Variants in PPP6R1 observed in about 807,000 individuals in gnomAD.
PPP6R1 encodes the protein protein phosphatase 6 regulatory subunit 1, also known as serine/threonine-protein phosphatase 6 regulatory subunit 1.
A neutral mutation model predicts 104.6 loss-of-function variants in PPP6R1; 39 were observed. That is an observed-to-expected ratio of 0.37 (90% CI 0.29 to 0.49). The LOEUF is 0.49. PPP6R1 is among the 20% of genes least tolerant of loss of function. PPP6R1 has a pLI of 0.98. For missense variants in PPP6R1, 1,181 were observed against 1,155.8 expected (o/e 1.02, Z -0.32); for synonymous variants, 549 against 479.0 (o/e 1.15, Z -1.91).
At chr19:55,247,396 G>C (rs1382635466) in intron 1 of PPP6R1, 1 of 456,520 alleles carries the variant, frequency 2.2e-6, no homozygotes, top group African/African-American at 2.0e-5. Flanking sequence ...TGAGGTCCAG[G>C]GGGTCATTTC....
downstream of PPP6R1, chr19:55,228,757 C>A (rs2087310402): frequency 6.2e-7 from 1 of 1,612,354 alleles, no homozygotes. Flanking sequence ...CCTGATAGCC[C>A]CAGAGCGACC....
At position 55,245,737 on chromosome 19, in the gene PPP6R1, C is replaced by A; in HGVS notation, c.228-59G>T. 1 of 1,357,444 alleles carries A rather than the reference C, an allele frequency of 7.4e-7. No individual in the cohort carries two copies. Among genetic ancestry groups the A allele is most frequent in the Non-Finnish European group, 1.0e-6 (1 of 984,182 alleles). 84.1% of individuals were successfully genotyped at this position (1,357,444 alleles called of 1,614,324 possible). On this transcript the variant is annotated intron_variant, in intron 2 of 23. Transcript: ENST00000412770. This position sits in a 1 kb window ranked among gnomAD's most constrained non-coding sequence, Gnocchi z 6.4. ...GTCGGAGGCCGGGGGCAGGGGGCGG[C>A]AAGGCTCCACCCTCTTCTCTGCACC...
At chr19:55,253,630 C>T (rs979753334) in intron 1 of PPP6R1, among the ~76,000 whole-genome samples, 6 of 152,218 alleles carry the variant, frequency 3.9e-5, no homozygotes, top group Non-Finnish European at 7.3e-5. Context: ...GGCTCAAATG[C>T]AATTGAGTGG....
chr19:55,246,362 T>C (rs1316351297), intron 2 of PPP6R1, among the ~76,000 whole-genome samples: 3 of 140,294 alleles, frequency 2.1e-5, no homozygotes, highest in South Asian at 2.3e-4. Flanking sequence ...GAGGAGGAGG[T>C]TGCAGTGAGC....
downstream of PPP6R1, chr19:55,228,483 C>G (rs1302694540): frequency 2.5e-6 from 4 of 1,601,780 alleles, no homozygotes; most frequent in Admixed American, 6.7e-5. Context: ...GCCCAGCCCC[C>G]ATTCTTGGGA....
chr19:55,245,541 C>G lies in PPP6R1; in HGVS notation c.365G>C (p.Ser122Thr). The part of the protein sequence containing the change: ...STGSLNPLLA[S>T]FFSKVMGILI... ...GATGCCCATGACCTTGCTGAAGAAG[C>G]TGGCCAGCAGTGGGTTGAGGCTGCC... The change falls in exon 3 of 24, where the codon AGC becomes ACC. Residue 122 changes from serine (S) to threonine (T), a missense_variant. This residue lies in a region of PPP6R1 where 139 missense variants were observed against 200.1 expected (regional missense o/e 0.69). Transcript: ENST00000412770. The surrounding 1 kb of genome is among the most constrained non-coding windows in gnomAD (Gnocchi z 6.4). 2 of 1,610,934 alleles carry G rather than the reference C, an allele frequency of 1.2e-6. No individual in the cohort carries two copies. The highest frequency in any genetic ancestry group is 1.7e-6 in the Non-Finnish European group (2 of 1,178,648).
chr19:55,257,278 C>A (rs531424867), intron 1 of PPP6R1, among the ~76,000 whole-genome samples: 2 of 152,304 alleles, frequency 1.3e-5, no homozygotes, highest in South Asian at 2.1e-4. Flanking sequence ...AACAGTTAGA[C>A]CCTCGCCCTT....
At chr19:55,234,643 G>A (rs925947054) in intron 17 of PPP6R1, among the ~76,000 whole-genome samples, 36 of 126,282 alleles carry the variant, frequency 2.9e-4, no homozygotes, top group Admixed American at 1.1e-3. Context: ...ATTCACAGCG[G>A]CCGCACTCAC....
At chr19:55,240,682 C>G (rs967031728) in intron 10 of PPP6R1, among the ~76,000 whole-genome samples, 7 of 152,138 alleles carry the variant, frequency 4.6e-5, no homozygotes, top group African/African-American at 1.7e-4. Context: ...CGTGTGCGCA[C>G]TCATGCACAC....
chr19:55,254,951 C>T (rs537243181), intron 1 of PPP6R1, among the ~76,000 whole-genome samples: 1 of 152,234 alleles, frequency 6.6e-6, no homozygotes, highest in African/African-American at 2.4e-5. Context: ...GCTGCAGAAT[C>T]CGGCATCACC....
At position 55,240,282 on chromosome 19, in the gene PPP6R1, G is replaced by C. The variant is rs1453358840; in HGVS notation, c.1315C>G (p.Leu439Val). 2 of 1,593,614 alleles carry C rather than the reference G, an allele frequency of 1.3e-6. No homozygotes were observed. The highest frequency in any genetic ancestry group is 1.1e-5 in the South Asian group (1 of 87,484). ...VVKHLLQQCR[L>V]VERILTSWEE... ...CAGGACGTCAGGATCCGCTCCACCAGGCGGCACTGCTGCAGCAGCTGCGGG... is the reference window on the plus strand; with the variant it reads ...CAGGACGTCAGGATCCGCTCCACCACGCGGCACTGCTGCAGCAGCTGCGGG... Residue 439 changes from leucine (L) to valine (V), a missense_variant, in exon 11 of 24, where the codon CTG becomes GTG. Leu to Val is a conservative substitution (Grantham distance 32). Around this residue, in one of 2 missense-constraint regions of PPP6R1, gnomAD observed 1,042 missense variants for 955.6 expected, o/e 1.09. Coordinates refer to ENST00000412770, the MANE Select transcript of PPP6R1 (RefSeq NM_014931.4).
chr19:55,236,582 G>A, intron 17 of PPP6R1, 61 bp downstream of exon 17: 1 of 1,443,760 alleles, frequency 6.9e-7, no homozygotes, highest in Non-Finnish European at 9.1e-7. Context: ...TGTGTTGGGG[G>A]GACCCCTTGG....
At position 55,251,248 on chromosome 19, in the gene PPP6R1, T is replaced by A. The variant is rs28451736; in HGVS notation, c.-6-4139A>T. 8.5e-3 allele frequency among the ~76,000 whole-genome samples: 1,297 copies of A among 152,308 alleles called. 27 individuals are homozygous for A. The highest frequency in any genetic ancestry group is 0.03 in the African/African-American group (1,243 of 41,558). On this transcript the variant is annotated intron_variant, in intron 1 of 23. Coordinates refer to ENST00000412770, the MANE Select transcript of PPP6R1 (RefSeq NM_014931.4). ...GAGGTACACACTCGTGGCCCTACAATGCTTCCTCTAGAACCTTCCCCCTAG... is the reference window on the plus strand; with the variant it reads ...GAGGTACACACTCGTGGCCCTACAAAGCTTCCTCTAGAACCTTCCCCCTAG...
intron 1 of PPP6R1, 137 bp from the exon 2 acceptor site, chr19:55,247,246 G>T: frequency 2.3e-6 from 2 of 876,576 alleles, no homozygotes; most frequent in Non-Finnish European, 3.5e-6. Context: ...CTCATGCTGA[G>T]CCCGGCCCCG....
chr19:55,240,118 G>C lies in PPP6R1; in HGVS notation c.1362-4C>G. 2 of 1,575,792 alleles carry C rather than the reference G, an allele frequency of 1.3e-6. No homozygotes were observed. The highest frequency in any genetic ancestry group is 1.4e-5 in the African/African-American group (1 of 73,996). ...TTTCCGAGGGCCTCCCGCACACCTG[G>C]CAAGAGTGAAGGCCGCGGCTGCAAG... is the stretch of plus-strand genomic sequence containing the variant. On this transcript the variant is annotated splice_polypyrimidine_tract_variant and splice_region_variant and intron_variant, in intron 11 of 23. Coordinates refer to ENST00000412770, the MANE Select transcript of PPP6R1 (RefSeq NM_014931.4).
chr19:55,236,881 C>T, intron 16 of PPP6R1, 32 bp downstream of exon 16: 1 of 1,612,198 alleles, frequency 6.2e-7, no homozygotes, highest in Non-Finnish European at 8.5e-7. Context: ...ACCCCTCCAC[C>T]CGCCACAACC....
chr19:55,241,599 C>T lies in PPP6R1; in HGVS notation c.886G>A (p.Asp296Asn). ...VTVNSFFSSV[D>N]GQLELLAQGA... ...TGGGCCAGGAGCTCCAGCTGCCCATCCACACTGCTGAAGAAGCTGTTCACG... is the reference window on the plus strand; with the variant it reads ...TGGGCCAGGAGCTCCAGCTGCCCATTCACACTGCTGAAGAAGCTGTTCACG... Residue 296 changes from aspartate to asparagine, a missense_variant, in exon 8 of 24, where the codon GAT (aspartate) becomes AAT (asparagine). Around this residue, in one of 2 missense-constraint regions of PPP6R1, gnomAD observed 1,042 missense variants for 955.6 expected, o/e 1.09. Transcript: ENST00000412770. This position sits in a 1 kb window ranked among gnomAD's most constrained non-coding sequence, Gnocchi z 5.4. The T allele has an allele frequency of 6.3e-7, 1 of 1,587,132 alleles. No individual in the cohort carries two copies. Among genetic ancestry groups the T allele is most frequent in the Non-Finnish European group, 8.6e-7 (1 of 1,167,942 alleles).
At position 55,240,514 on chromosome 19, in the gene PPP6R1, T is replaced by TACACACACAC. The variant is rs777717878; in HGVS notation, c.1297-224_1297-215dup. On this transcript the variant is annotated intron_variant, in intron 10 of 23. Transcript: ENST00000412770. ...TTTCTACAAAAGAATATGTGGTGCATACACACACACACACACACACACACA... is the reference window on the plus strand; with the variant it reads ...TTTCTACAAAAGAATATGTGGTGCATACACACACACACACACACACACACACACACACACA... Among the ~76,000 whole-genome samples, 48 of 136,020 alleles carry TACACACACAC rather than the reference T, an allele frequency of 3.5e-4. 1 individual carries two copies. The highest frequency in any genetic ancestry group is 1.2e-3 in the Admixed American group (16 of 13,652). 89.2% of individuals were successfully genotyped at this position (136,020 alleles called of 152,430 possible). A position where few individuals can be genotyped will look rare whatever the true frequency, so the allele number is the denominator to read the frequency against.
intron 17 of PPP6R1, among the ~76,000 whole-genome samples, chr19:55,235,023 G>A (rs1404702337): frequency 6.6e-6 from 1 of 152,066 alleles, no homozygotes; most frequent in African/African-American, 2.4e-5. Flanking sequence ...ACACACTCAG[G>A]ATCTGTATGT....
Sources: allele counts gnomAD v4.1 joint callset (sites outside exome capture counted in the v4.1 genomes callset), GRCh38; gene constraint gnomAD v4.1.1; regional missense constraint gnomAD v4.1.1; non-coding constraint Gnocchi (gnomAD v3.1); transcripts MANE v1.5; gene names NCBI Gene and HGNC (gene_info 2026-07-23, HGNC 2026-07-21).